NEBL: variants seen among roughly 807,000 people sequenced by gnomAD.
NEBL encodes LIM and SH3 protein 2.
A neutral mutation model predicts 140.2 loss-of-function variants in NEBL; 122 were observed. That is an observed-to-expected ratio of 0.87 (90% CI 0.75 to 1.01). The LOEUF (loss-of-function observed/expected upper bound fraction) is 1.01, where lower values mean the gene tolerates loss of function less well. Among genes scored for constraint, NEBL ranks in the 50% least tolerant of loss-of-function variants. The pLI is 0.00. For missense variants in NEBL, 1,365 were observed against 1,231.3 expected (o/e 1.11, Z -1.62); for synonymous variants, 436 against 398.9 (o/e 1.09, Z -1.11).
chr10:21,165,593 C>T (rs1029091862), intron 2 of NEBL, among the ~76,000 whole-genome samples: 1 of 152,238 alleles, frequency 6.6e-6, no homozygotes, highest in African/African-American at 2.4e-5. Context: ...AAATGCCAGG[C>T]TCATCTACGG....
chr10:20,970,884 G>A (rs1358944176), intron 3 of NEBL, among the ~76,000 whole-genome samples: 2 of 152,110 alleles, frequency 1.3e-5, no homozygotes, highest in Non-Finnish European at 2.9e-5. Context: ...AAATGCCAAA[G>A]CGAAAAATAT....
At chr10:20,936,845 T>A (rs1834517460) in intron 4 of NEBL, among the ~76,000 whole-genome samples, 1 of 152,218 alleles carries the variant, frequency 6.6e-6, no homozygotes, top group African/African-American at 2.4e-5. Flanking sequence ...ATGAATAAGC[T>A]TGGGTCGATT....
chr10:20,893,147 T>G (rs374601926), intron 2 of NEBL, among the ~76,000 whole-genome samples: 95 of 152,348 alleles, frequency 6.2e-4, no homozygotes, highest in African/African-American at 2.2e-3. Context: ...CCACCTGCTC[T>G]GCAGAAGGCT....
chr10:21,087,123 C>T (rs909802528), intron 2 of NEBL, among the ~76,000 whole-genome samples: 2 of 152,264 alleles, frequency 1.3e-5, no homozygotes, highest in African/African-American at 2.4e-5. Context: ...CACAGTGTCA[C>T]ATTTATTTAT....
chr10:20,845,403 A>C (rs1841821932), intron 11 of NEBL, 35 bp from the exon 12 acceptor site: 2 of 1,258,770 alleles, frequency 1.6e-6, no homozygotes, highest in African/African-American at 2.9e-5. Flanking sequence ...TAAAGTTAGC[A>C]AATATCAGTG....
intron 3 of NEBL, among the ~76,000 whole-genome samples, chr10:21,185,554 G>A (rs944447330): frequency 7.1e-6 from 1 of 140,812 alleles, no homozygotes. Context: ...TTGGAGTGCA[G>A]TGGCATGATC....
At chr10:21,105,458 T>C (rs1188732914) in intron 2 of NEBL, among the ~76,000 whole-genome samples, 5 of 152,120 alleles carry the variant, frequency 3.3e-5, no homozygotes, top group African/African-American at 1.2e-4. Context: ...GTCCTTGTGA[T>C]AGTTTGCTTA....
chr10:20,789,065 T>G (rs1304410823), intron 26 of NEBL, among the ~76,000 whole-genome samples: 4 of 152,150 alleles, frequency 2.6e-5, no homozygotes, highest in Non-Finnish European at 1.5e-5. Flanking sequence ...CAAAAACAAT[T>G]GCTCTCCTGG....
chr10:21,017,591 G>T (rs547890500), intron 3 of NEBL, among the ~76,000 whole-genome samples: 50 of 152,042 alleles, frequency 3.3e-4, no homozygotes, highest in Non-Finnish European at 6.0e-4. Context: ...CAGTGACCTT[G>T]TTCTTCTTTG....
intron 2 of NEBL, among the ~76,000 whole-genome samples, chr10:21,051,152 A>C (rs1251742699): frequency 6.6e-6 from 1 of 152,156 alleles, no homozygotes; most frequent in African/African-American, 2.4e-5. Context: ...ATACACCTCA[A>C]CCTCAACCTG....
chr10:21,169,062 AAAAAAATATATATATATATATAT>A (rs1840941236), intron 2 of NEBL, among the ~76,000 whole-genome samples: 2 of 57,646 alleles, frequency 3.5e-5, no homozygotes, highest in African/African-American at 1.4e-4. Flanking sequence ...AAAAAAAAAA[AAAAAAATATATATATATATATAT>A]ATATATATAT....
intron 3 of NEBL, among the ~76,000 whole-genome samples, chr10:21,186,726 C>T (rs1407390919): frequency 6.6e-6 from 1 of 151,246 alleles, no homozygotes; most frequent in African/African-American, 2.4e-5. Context: ...AGGCCCAAGA[C>T]AATTCTTCTT....
At chr10:21,016,817 A>G (rs565472285) in intron 3 of NEBL, among the ~76,000 whole-genome samples, 3 of 152,350 alleles carry the variant, frequency 2.0e-5, no homozygotes, top group Admixed American at 6.5e-5. Context: ...ATGAAATCCA[A>G]TGCCATTACT....
At chr10:21,248,428 C>G (rs143931016) in intron 2 of NEBL, among the ~76,000 whole-genome samples, 139 of 152,082 alleles carry the variant, frequency 9.1e-4, no homozygotes, top group African/African-American at 3.2e-3. Flanking sequence ...AAATTTGTCC[C>G]TTTGTGTCTG....
At chr10:20,818,078 G>T (rs1242772213) in intron 20 of NEBL, among the ~76,000 whole-genome samples, 1 of 152,040 alleles carries the variant, frequency 6.6e-6, no homozygotes, top group Non-Finnish European at 1.5e-5. Flanking sequence ...TCTGACCGTG[G>T]GGCTTCTCCC....
chr10:21,150,596 A>T (rs115301870), intron 2 of NEBL, among the ~76,000 whole-genome samples: 2,992 of 152,326 alleles, frequency 0.02, 40 homozygotes, highest in African/African-American at 0.043. Flanking sequence ...TAAAAATGAG[A>T]TGTGAAAACT....
chr10:20,904,706 C>A (rs1190213867), intron 4 of NEBL, among the ~76,000 whole-genome samples: 1 of 152,184 alleles, frequency 6.6e-6, no homozygotes, highest in African/African-American at 2.4e-5. Flanking sequence ...AGTTAACTCA[C>A]CACAGCCGCA....
At chr10:20,935,492 C>T (rs754382371) in intron 4 of NEBL, among the ~76,000 whole-genome samples, 2 of 152,046 alleles carry the variant, frequency 1.3e-5, no homozygotes, top group African/African-American at 4.8e-5. Context: ...CGGTAGTGAG[C>T]CTTAAAATAT....
At chr10:20,805,038 G>A (rs1407750251) in intron 26 of NEBL, among the ~76,000 whole-genome samples, 7 of 152,104 alleles carry the variant, frequency 4.6e-5, no homozygotes, top group Non-Finnish European at 1.0e-4. Context: ...ATGGAGGTAG[G>A]GCCAAGCACT....
Sources: gnomAD v4.1 joint callset for allele counts (sites outside exome capture counted in the v4.1 genomes callset) on GRCh38, gnomAD v4.1.1 for gene constraint, MANE v1.5 for transcripts, NCBI Gene and HGNC (gene_info 2026-07-23, HGNC 2026-07-21) for gene names.